CLSTN2: variants seen among roughly 807,000 people sequenced by gnomAD.
CLSTN2 encodes the protein calsyntenin 2.
Under a neutral mutation model 101.2 loss-of-function variants are expected in CLSTN2, and 48 were observed. The observed-to-expected ratio is 0.47, with a 90% CI of 0.38 to 0.60. The LOEUF (loss-of-function observed/expected upper bound fraction) is 0.60. Ranked by LOEUF, CLSTN2 falls within the 20% of genes least tolerant of loss-of-function variation. The probability of loss-of-function intolerance (pLI) is 0.00; values close to 1 mark genes in which losing one functional copy is unlikely to be tolerated. For missense variants in CLSTN2, 1,160 were observed against 1,238.2 expected, an observed-to-expected ratio of 0.94 and a Z score of 0.95; for synonymous variants, 481 against 463.6, an observed-to-expected ratio of 1.04 and a Z score of -0.48.
intron 1 of CLSTN2, among the ~76,000 whole-genome samples, chr3:140,169,985 C>A (rs114910078): frequency 0.027 from 4,117 of 152,176 alleles, 198 homozygotes; most frequent in African/African-American, 0.093. Context: ...GGATGATTTA[C>A]AAGCTATAAC....
intron 8 of CLSTN2, among the ~76,000 whole-genome samples, chr3:140,521,869 C>A (rs770814641): frequency 6.6e-6 from 1 of 152,186 alleles, no homozygotes; most frequent in Admixed American, 6.5e-5. Context: ...GAAGTGGGGC[C>A]CGCAGAATGA....
At chr3:140,069,903 G>A (rs1436745842) in intron 1 of CLSTN2, among the ~76,000 whole-genome samples, 2 of 152,204 alleles carry the variant, frequency 1.3e-5, no homozygotes, top group African/African-American at 4.8e-5. Context: ...ATATGGGAAG[G>A]AAGTGAGAAG....
intron 1 of CLSTN2, among the ~76,000 whole-genome samples, chr3:140,128,500 G>T (rs2009471429): frequency 6.6e-6 from 1 of 152,122 alleles, no homozygotes; most frequent in African/African-American, 2.4e-5. Flanking sequence ...AACTACAAGG[G>T]GTAGTGTGAT....
intron 1 of CLSTN2, among the ~76,000 whole-genome samples, chr3:140,122,054 G>A (rs1002170147): frequency 2.6e-5 from 4 of 152,160 alleles, no homozygotes; most frequent in Admixed American, 2.0e-4. Context: ...GTTAATTATA[G>A]TTTTGATCCA....
intron 2 of CLSTN2, among the ~76,000 whole-genome samples, chr3:140,305,147 G>C (rs1199528665): frequency 6.8e-6 from 1 of 148,108 alleles, no homozygotes; most frequent in Non-Finnish European, 1.5e-5. Context: ...ACTAATCACT[G>C]TGTAGCCTCC....
Position 140,573,570 on chromosome 3 carries a change from T to G in CLSTN2, c.*7317T>G, listed in dbSNP as rs1355032994. ...ACCTTTGAAAGGAACTTGCTGGTACTTTGTCAGTCGTGTACACCTAACTGA... is the reference window on the plus strand; with the variant it reads ...ACCTTTGAAAGGAACTTGCTGGTACGTTGTCAGTCGTGTACACCTAACTGA... On this transcript the variant is annotated 3_prime_UTR_variant, in exon 17 of 17. Coordinates refer to ENST00000458420, the MANE Select transcript of CLSTN2 (RefSeq NM_022131.3). 6.6e-6 allele frequency: 1 copy of G among 152,180 alleles called. No homozygotes were observed. Among genetic ancestry groups the G allele is most frequent in the East Asian group, 1.9e-4 (1 of 5,192 alleles). 9.4% of individuals were successfully genotyped at this position (152,180 alleles called of 1,614,324 possible).
chr3:140,058,422 G>A (rs1311531636), intron 1 of CLSTN2, among the ~76,000 whole-genome samples: 1 of 152,190 alleles, frequency 6.6e-6, no homozygotes, highest in Non-Finnish European at 1.5e-5. Context: ...ATGTTGAAAG[G>A]GAGGTGGACA....
At chr3:140,188,017 C>T (rs534346477) in intron 2 of CLSTN2, among the ~76,000 whole-genome samples, 18 of 152,286 alleles carry the variant, frequency 1.2e-4, no homozygotes, top group African/African-American at 4.3e-4. Context: ...CTGAAGTGCT[C>T]TCCTCTGGCC....
intron 1 of CLSTN2, among the ~76,000 whole-genome samples, chr3:140,024,600 G>A (rs2007381221): frequency 6.6e-6 from 1 of 152,178 alleles, no homozygotes; most frequent in Admixed American, 6.5e-5. Flanking sequence ...CAGGAGCTGG[G>A]TACTCCTGCA....
chr3:140,140,243 G>T (rs905196385), intron 1 of CLSTN2, among the ~76,000 whole-genome samples: 1 of 152,144 alleles, frequency 6.6e-6, no homozygotes, highest in African/African-American at 2.4e-5. Flanking sequence ...ATGAAGGAAT[G>T]CCTGAGGTTG....
At chr3:140,352,906 A>C (rs2087625722) in intron 2 of CLSTN2, among the ~76,000 whole-genome samples, 1 of 152,154 alleles carries the variant, frequency 6.6e-6, no homozygotes, top group South Asian at 2.1e-4. Flanking sequence ...CATATCCATA[A>C]GTTCCTCAAC....
intron 1 of CLSTN2, among the ~76,000 whole-genome samples, chr3:140,159,173 G>A (rs2010006106): frequency 1.3e-5 from 2 of 152,056 alleles, no homozygotes; most frequent in East Asian, 1.9e-4. Context: ...AATAAAAATT[G>A]ACAGATGGGA....
chr3:140,080,860 G>T (rs949158005), intron 1 of CLSTN2, among the ~76,000 whole-genome samples: 5 of 152,126 alleles, frequency 3.3e-5, no homozygotes, highest in African/African-American at 9.7e-5. Context: ...TGTGTTACAC[G>T]GATAAGTACA....
chr3:140,054,910 T>C (rs1309265986), intron 1 of CLSTN2, among the ~76,000 whole-genome samples: 1 of 152,212 alleles, frequency 6.6e-6, no homozygotes. Flanking sequence ...ATTTTGGTAA[T>C]GGGGACAAGG....
chr3:140,169,360 ATTAG>A (rs1293428712), intron 1 of CLSTN2, among the ~76,000 whole-genome samples: 1 of 152,008 alleles, frequency 6.6e-6, no homozygotes, highest in Non-Finnish European at 1.5e-5. Context: ...CTAAACTCTT[ATTAG>A]TTCTAAGCAT....
chr3:140,513,414 T>G (rs748093675), intron 8 of CLSTN2, among the ~76,000 whole-genome samples: 1 of 152,190 alleles, frequency 6.6e-6, no homozygotes, highest in Non-Finnish European at 1.5e-5. Flanking sequence ...TCACATTTAT[T>G]AATTTGCATA....
chr3:140,284,015 G>T (rs756606949), intron 2 of CLSTN2, among the ~76,000 whole-genome samples: 1 of 152,162 alleles, frequency 6.6e-6, no homozygotes, highest in African/African-American at 2.4e-5. Context: ...TTGGAAGCTG[G>T]TAAATTTCAC....
chr3:140,479,941 A>C (rs1168884236), intron 8 of CLSTN2, among the ~76,000 whole-genome samples: 2 of 151,216 alleles, frequency 1.3e-5, no homozygotes, highest in Non-Finnish European at 1.5e-5. Context: ...ACCGAAAATA[A>C]AGATAAACTC....
At chr3:140,399,085 G>A (rs764347349) in intron 2 of CLSTN2, among the ~76,000 whole-genome samples, 12 of 152,178 alleles carry the variant, frequency 7.9e-5, no homozygotes, top group Non-Finnish European at 1.5e-4. Context: ...CCTTTTCCAC[G>A]CAGCCCATGG....
Sources: allele counts gnomAD v4.1 joint callset (sites outside exome capture counted in the v4.1 genomes callset), GRCh38; gene constraint gnomAD v4.1.1; transcripts MANE v1.5; gene names NCBI Gene and HGNC (gene_info 2026-07-23, HGNC 2026-07-21).